IST1: variants seen among roughly 807,000 people sequenced by gnomAD.
IST1 encodes IST1 homolog.
Under a neutral mutation model 37.0 loss-of-function variants are expected in IST1, and 23 were observed. The ratio of observed to expected loss-of-function variants is 0.62; its 90% confidence interval spans 0.45 to 0.88. The LOEUF is 0.88. Among genes scored for constraint, IST1 ranks in the 40% least tolerant of loss-of-function variants. The pLI, the probability that IST1 is intolerant of heterozygous loss-of-function variation, is 0.00. For synonymous variants in IST1, 180 were observed against 161.7 expected (o/e 1.11, Z -0.86); for missense variants, 488 against 445.4 (o/e 1.10, Z -0.86).
intron 4 of IST1, among the ~76,000 whole-genome samples, chr16:71,919,842 T>C (rs911022283): frequency 2.6e-5 from 4 of 152,218 alleles, no homozygotes; most frequent in African/African-American, 9.6e-5. Context: ...GTTGTACCTT[T>C]ATCTGTGTGA....
intron 1 of IST1, among the ~76,000 whole-genome samples, chr16:71,909,273 A>G (rs962783681): frequency 6.6e-5 from 10 of 151,524 alleles, no homozygotes; most frequent in Admixed American, 5.9e-4. Context: ...ACAGCCAGCT[A>G]ATTTCTAAAT....
chr16:71,921,721 G>C, intron 6 of IST1: 1 of 366,008 alleles, frequency 2.7e-6, no homozygotes, highest in Non-Finnish European at 5.1e-6. Flanking sequence ...CAGGAATTGA[G>C]AAACCTCCTG....
At chr16:71,896,645 C>T (rs943540299) in intron 1 of IST1, among the ~76,000 whole-genome samples, 1 of 152,026 alleles carries the variant, frequency 6.6e-6, no homozygotes, top group Non-Finnish European at 1.5e-5. Context: ...AATTTGCTTC[C>T]TCAGAACTTC....
At chr16:71,902,091 G>A (rs1466719838) in intron 1 of IST1, among the ~76,000 whole-genome samples, 1 of 152,144 alleles carries the variant, frequency 6.6e-6, no homozygotes, top group Non-Finnish European at 1.5e-5. Context: ...GGTGCTTACT[G>A]TGTACATATA....
At chr16:71,920,710 T>C (rs77187967) in intron 4 of IST1, 29 bp from the exon 5 acceptor site, 1 of 1,555,634 alleles carries the variant, frequency 6.4e-7, no homozygotes, top group Non-Finnish European at 8.9e-7. Flanking sequence ...GTGGTCTCTA[T>C]TTTTATTTGC....
At chr16:71,922,849 G>C in intron 7 of IST1, 169 bp downstream of exon 7, 2 of 630,930 alleles carry the variant, frequency 3.2e-6, no homozygotes, top group Non-Finnish European at 5.6e-6. Flanking sequence ...ATTCAGAGAA[G>C]GTCTTCTAGT....
chr16:71,922,692 T>TAA lies in IST1; in HGVS notation c.759+13_759+14dup. 8.2e-6 allele frequency: 13 copies of TAA among 1,586,690 alleles called. No individual in the cohort carries two copies. The highest frequency in any genetic ancestry group is 1.1e-5 in the Non-Finnish European group (13 of 1,162,170). ...TGCCAAAGGGACCAGTAAGTATATA[T>TAA]AAGTGTGGATGTAAGCTTTAGAAAA... is the stretch of plus-strand genomic sequence containing the variant. On this transcript the variant is annotated intron_variant, in intron 7 of 9. Transcript: ENST00000378799.
intron 5 of IST1, 131 bp downstream of exon 5, chr16:71,920,953 ACAGCTGTGTGGCTGGCAGTGTGGTC>A: frequency 1.3e-6 from 1 of 740,890 alleles, no homozygotes; most frequent in South Asian, 1.4e-5. Flanking sequence ...GGTGAGGAGG[ACAGCTGTGTGGCTGGCAGTGTGGTC>A]CAATCCTTAC....
Position 71,902,894 on chromosome 16 carries a change from A to G in IST1, c.-16+7305A>G, listed in dbSNP as rs548768386. ...TTTTTTCTATTTTTTCTTCTATTTC[A>G]TTGATTTTTGCTTTCTTTTTGTTGT... On this transcript the variant is annotated intron_variant, in intron 1 of 9. Transcript: ENST00000378799. Among the ~76,000 whole-genome samples, 5 of 151,386 alleles carry G rather than the reference A, an allele frequency of 3.3e-5. No individual in the cohort carries two copies. The South Asian group carries it at 1.0e-3, about 32-fold the overall frequency.
At chr16:71,912,849 A>G (rs936894342) in intron 1 of IST1, among the ~76,000 whole-genome samples, 1 of 152,146 alleles carries the variant, frequency 6.6e-6, no homozygotes, top group South Asian at 2.1e-4. Context: ...ATCTTACAGT[A>G]TTTGTTTTTC....
At chr16:71,919,281 T>C (rs897762844) in intron 4 of IST1, among the ~76,000 whole-genome samples, 1 of 152,268 alleles carries the variant, frequency 6.6e-6, no homozygotes, top group Non-Finnish European at 1.5e-5. Flanking sequence ...ACTGGCTGAT[T>C]GCAGGCTTGA....
chr16:71,894,573 T>A, upstream of IST1: 1 of 361,538 alleles, frequency 2.8e-6, no homozygotes, highest in Non-Finnish European at 5.1e-6. Context: ...TAGCCTAGGC[T>A]GGAGTGCTGT....
intron 5 of IST1, 200 bp downstream of exon 5, chr16:71,921,022 G>C: frequency 1.6e-6 from 1 of 629,680 alleles, no homozygotes; most frequent in Admixed American, 2.4e-5. Context: ...TGTCATTCCT[G>C]ACTCCACTTC....
At chr16:71,914,315 C>T (rs142883714) in intron 1 of IST1, among the ~76,000 whole-genome samples, 13 of 151,792 alleles carry the variant, frequency 8.6e-5, no homozygotes, top group East Asian at 1.9e-4. Flanking sequence ...TGCGTCACCA[C>T]GCCCAGCTAA....
At chr16:71,907,171 G>A (rs1191608105) in intron 1 of IST1, among the ~76,000 whole-genome samples, 2 of 142,858 alleles carry the variant, frequency 1.4e-5, no homozygotes, top group African/African-American at 5.2e-5. Flanking sequence ...AAGTTTTCAG[G>A]CAGTATTTTT....
At position 71,929,666 on chromosome 16, in the gene IST1, G is replaced by T; in HGVS notation, c.*1853G>T. 6.5e-7 allele frequency: 1 copy of T among 1,547,442 alleles called. No individual in the cohort carries two copies. The highest frequency in any genetic ancestry group is 1.4e-5 in the African/African-American group (1 of 72,902). On this transcript the variant is annotated 3_prime_UTR_variant, in exon 10 of 10. Transcript: ENST00000378799. ...AGCTTCTGTAGCAGTGTATCTATTA[G>T]TGCAGCTTCTTTCTGAGTATTGAAG...
chr16:71,925,274 CAA>C (rs2037713949), intron 9 of IST1, among the ~76,000 whole-genome samples: 1 of 149,668 alleles, frequency 6.7e-6, no homozygotes, highest in Non-Finnish European at 1.5e-5. Context: ...CTTGGCCTCC[CAA>C]AGTGCTTGGA....
At chr16:71,926,220 T>A (rs1201258666) in intron 9 of IST1, among the ~76,000 whole-genome samples, 1 of 152,046 alleles carries the variant, frequency 6.6e-6, no homozygotes, top group Non-Finnish European at 1.5e-5. Flanking sequence ...AAGCGGAGGT[T>A]GTAGTGAACC....
chr16:71,894,953 A>G, upstream of IST1: 1 of 886,818 alleles, frequency 1.1e-6, no homozygotes, highest in Non-Finnish European at 1.8e-6. Context: ...ATTATACCAC[A>G]CAGACCGGAG....
Sources: gnomAD v4.1 joint callset for allele counts (sites outside exome capture counted in the v4.1 genomes callset) on GRCh38, gnomAD v4.1.1 for gene constraint, MANE v1.5 for transcripts, NCBI Gene and HGNC (gene_info 2026-07-23, HGNC 2026-07-21) for gene names.